The following GABRA3 variants were observed in gnomAD, a reference collection of about 807,000 sequenced individuals.
The protein encoded by GABRA3 is gamma-aminobutyric acid type A receptor subunit alpha3.
A neutral mutation model predicts 30.1 loss-of-function variants in GABRA3; 10 were observed. The ratio of observed to expected loss-of-function variants is 0.33; its 90% CI spans 0.20 to 0.56. The LOEUF (loss-of-function observed/expected upper bound fraction) is 0.56, where lower values mean the gene tolerates loss of function less well. GABRA3 is among the 20% of genes least tolerant of loss of function. The pLI is 0.89. For missense variants in GABRA3, 233 were observed against 392.0 expected, an observed-to-expected ratio of 0.59 and a Z score of 3.42; for synonymous variants, 151 against 146.8, an observed-to-expected ratio of 1.03 and a Z score of -0.21.
chrX:152,420,544 T>C (rs1325733684), intron 1 of GABRA3, among the ~76,000 whole-genome samples: 1 of 111,115 alleles, frequency 9.0e-6, no homozygotes, highest in Non-Finnish European at 1.9e-5. Flanking sequence ...GACAGATATA[T>C]CATGTTCCCA....
intron 1 of GABRA3, among the ~76,000 whole-genome samples, chrX:152,416,195 T>C (rs746876318): frequency 2.1e-5 from 2 of 97,293 alleles, no homozygotes; most frequent in East Asian, 3.2e-4. Flanking sequence ...AAAATCAATG[T>C]ACAAAAATCA....
At chrX:152,382,460 C>T (rs1929171630) in intron 1 of GABRA3, among the ~76,000 whole-genome samples, 1 of 112,221 alleles carries the variant, frequency 8.9e-6, no homozygotes. Flanking sequence ...AATCATTCTA[C>T]CATAAAGGGA....
At chrX:152,373,400 C>T (rs1928896034) in intron 1 of GABRA3, among the ~76,000 whole-genome samples, 1 of 111,512 alleles carries the variant, frequency 9.0e-6, no homozygotes, top group South Asian at 3.8e-4. Context: ...GGTATATACC[C>T]AGAAGTGGGA....
intron 4 of GABRA3, among the ~76,000 whole-genome samples, chrX:152,256,997 G>T (rs1301294656): frequency 1.8e-5 from 2 of 111,331 alleles, no homozygotes; most frequent in Non-Finnish European, 3.8e-5. Flanking sequence ...GAAGGGATGG[G>T]CCTCCAAATC....
At chrX:152,201,310 T>A (rs1442177769) in intron 7 of GABRA3, among the ~76,000 whole-genome samples, 6 of 112,110 alleles carry the variant, frequency 5.4e-5, no homozygotes, top group African/African-American at 1.9e-4. Context: ...CTTATTAAGC[T>A]CATTATGTAC....
intron 9 of GABRA3, among the ~76,000 whole-genome samples, chrX:152,174,770 T>A (rs1263587527): frequency 1.8e-5 from 2 of 112,131 alleles, no homozygotes; most frequent in East Asian, 2.8e-4. Context: ...TGGTTTCTTT[T>A]GCTGTGCAGA....
At chrX:152,303,347 G>A (rs1048738696) in intron 3 of GABRA3, among the ~76,000 whole-genome samples, 1 of 111,872 alleles carries the variant, frequency 8.9e-6, no homozygotes, top group African/African-American at 3.3e-5. Context: ...GAATAGGAAC[G>A]CTTTTACACT....
At chrX:152,272,263 A>T (rs1369620370) in intron 4 of GABRA3, among the ~76,000 whole-genome samples, 1 of 112,378 alleles carries the variant, frequency 8.9e-6, no homozygotes, top group East Asian at 2.8e-4. Context: ...AAGGGTGGAG[A>T]TGCCCAAGGC....
chrX:152,322,844 CTTTTTTTTTTTTTTTTTT>C (rs1172827692), intron 3 of GABRA3, among the ~76,000 whole-genome samples: 1 of 61,261 alleles, frequency 1.6e-5, no homozygotes, highest in Non-Finnish European at 2.9e-5. Flanking sequence ...AAAGTCTACT[CTTTTTTTTTTTTTTTTTT>C]TTTTTTTTTG....
At chrX:152,341,865 T>C (rs779877334) in intron 3 of GABRA3, among the ~76,000 whole-genome samples, 2 of 109,535 alleles carry the variant, frequency 1.8e-5, no homozygotes, top group Non-Finnish European at 3.8e-5. Context: ...TTATTTTACT[T>C]TATTTTATTT....
intron 5 of GABRA3, among the ~76,000 whole-genome samples, chrX:152,230,748 T>G (rs915825360): frequency 9.0e-6 from 1 of 111,222 alleles, no homozygotes; most frequent in Non-Finnish European, 1.9e-5. Flanking sequence ...GAGAATTTAA[T>G]ATACAAGTGC....
At chrX:152,332,276 T>G (rs191046122) in intron 3 of GABRA3, among the ~76,000 whole-genome samples, 8 of 112,314 alleles carry the variant, frequency 7.1e-5, no homozygotes, top group Admixed American at 2.8e-4. Flanking sequence ...TCTCTCTTCA[T>G]AATGCATAGA....
chrX:152,396,258 A>G (rs1227089038), intron 1 of GABRA3, among the ~76,000 whole-genome samples: 1 of 111,963 alleles, frequency 8.9e-6, no homozygotes, highest in African/African-American at 3.2e-5. Context: ...AAATGCAAGG[A>G]TGACTCCTTT....
intron 9 of GABRA3, among the ~76,000 whole-genome samples, chrX:152,174,696 T>G (rs1382079069): frequency 2.7e-5 from 3 of 112,047 alleles, no homozygotes; most frequent in Admixed American, 9.5e-5. Context: ...TATTAGCCCT[T>G]TGTCAGATGA....
intron 3 of GABRA3, among the ~76,000 whole-genome samples, chrX:152,308,046 G>C (rs1005197147): frequency 2.7e-5 from 3 of 112,761 alleles, no homozygotes; most frequent in Non-Finnish European, 5.6e-5. Context: ...GGATGGAACA[G>C]GGACATCTTG....
chrX:152,435,396 C>T (rs956615602), intron 1 of GABRA3, among the ~76,000 whole-genome samples: 2 of 111,566 alleles, frequency 1.8e-5, no homozygotes, highest in African/African-American at 6.5e-5. Flanking sequence ...ACATATACAC[C>T]AGGGAATACT....
At chrX:152,327,986 C>A (rs143781460) in intron 3 of GABRA3, among the ~76,000 whole-genome samples, 216 of 111,133 alleles carry the variant, frequency 1.9e-3, no homozygotes, top group African/African-American at 6.8e-3. Context: ...AGAGAAGAAT[C>A]AAATAAACAC....
chrX:152,179,604 C>A (rs981996005), intron 9 of GABRA3, among the ~76,000 whole-genome samples: 2 of 108,559 alleles, frequency 1.8e-5, no homozygotes, highest in Non-Finnish European at 3.8e-5. Context: ...ACGCCATTCT[C>A]CTGCCTCAGC....
chrX:152,441,844 A>G (rs989925984), intron 1 of GABRA3, among the ~76,000 whole-genome samples: 2 of 112,131 alleles, frequency 1.8e-5, no homozygotes, highest in Non-Finnish European at 1.9e-5. Flanking sequence ...GGATTAAAGA[A>G]CTAAGTGTAA....
Sources: gnomAD v4.1 joint callset for allele counts (sites outside exome capture counted in the v4.1 genomes callset) on GRCh38, gnomAD v4.1.1 for gene constraint, MANE v1.5 for transcripts, NCBI Gene and HGNC (gene_info 2026-07-23, HGNC 2026-07-21) for gene names.